The following FOXI3 variants were observed in gnomAD, a reference collection of about 807,000 sequenced individuals.
The protein encoded by FOXI3 is forkhead box protein I3.
In FOXI3, 4 loss-of-function variants were observed where a neutral mutation model predicts 15.6. The observed-to-expected ratio is 0.26, with a 90% CI of 0.13 to 0.59. The LOEUF is 0.59. FOXI3 is among the 20% of genes least tolerant of loss of function. The pLI, the probability that FOXI3 is intolerant of heterozygous loss-of-function variation, is 0.90. For synonymous variants in FOXI3, 238 were observed against 244.4 expected (o/e 0.97, Z 0.25); for missense variants, 489 against 548.2 (o/e 0.89, Z 1.08).
intron 1 of FOXI3, 68 bp from the exon 2 acceptor site, chr2:88,448,897 T>C: frequency 6.8e-7 from 1 of 1,466,484 alleles, no homozygotes; most frequent in East Asian, 2.5e-5. Flanking sequence ...GCTTCATTTC[T>C]GGGAGGAGAG....
rs1012230746 is a variant in FOXI3, at chr2:88,448,687, G to C, written c.783C>G (p.Leu261=). Residue 261 remains leucine (L), a synonymous_variant, in exon 2 of 2, where the codon CTC becomes CTG. Transcript: ENST00000428390. ...AAGTSKSEEG[L]SSGLGSGVGG... is the part of the protein sequence containing the mutation. ...CCACTCCAGACCCCAATCCTGAGGA[G>C]AGCCCTTCTTCGGACTTTGATGTCC... 10 of 1,551,760 alleles carry C rather than the reference G, an allele frequency of 6.4e-6. No homozygotes were observed. Among genetic ancestry groups the C allele is most frequent in the Non-Finnish European group, 7.8e-6 (9 of 1,147,044 alleles).
chr2:88,449,448 C>CA (rs928609977), intron 1 of FOXI3, among the ~76,000 whole-genome samples: 8 of 151,984 alleles, frequency 5.3e-5, no homozygotes, highest in South Asian at 2.1e-4. Flanking sequence ...TTCAAAATGA[C>CA]AAAAAAAATT....
chr2:88,450,192 A>G (rs989392965), intron 1 of FOXI3, among the ~76,000 whole-genome samples: 16 of 152,078 alleles, frequency 1.1e-4, no homozygotes, highest in African/African-American at 3.9e-4. Context: ...GCACTTTGGG[A>G]GGCCGAAACG....
At chr2:88,450,407 A>G (rs904421809) in intron 1 of FOXI3, among the ~76,000 whole-genome samples, 4 of 149,732 alleles carry the variant, frequency 2.7e-5, no homozygotes, top group South Asian at 4.4e-4. Flanking sequence ...CCTGGGCGAC[A>G]GGAGTGAAAT....
In FOXI3 at chr2:88,448,586, T is replaced by C. The variant is rs1226501742; in HGVS notation, c.884A>G (p.Lys295Arg). 3.9e-6 allele frequency: 6 copies of C among 1,551,554 alleles called. No individual in the cohort carries two copies. In the Admixed American group the frequency reaches 7.8e-5, roughly 20 times the overall value. ...SHSPEPPEGT[K>R]STASSPGGPM... is the part of the protein sequence containing the mutation. ...TCCTCCAGGAGATGAGGCAGTACTC[T>C]TGGTGCCCTCCGGAGGCTCTGGGGA... is the stretch of plus-strand genomic sequence containing the variant. The change falls in exon 2 of 2, where the codon AAG becomes AGG. Residue 295 changes from lysine to arginine, a missense_variant. Coordinates refer to ENST00000428390, the MANE Select transcript of FOXI3 (RefSeq NM_001135649.3).
chr2:88,451,544 T>C (rs1676044807), intron 1 of FOXI3, among the ~76,000 whole-genome samples: 1 of 152,204 alleles, frequency 6.6e-6, no homozygotes, highest in African/African-American at 2.4e-5. Flanking sequence ...AACCATCCCT[T>C]ATCTGAGAGC....
intron 1 of FOXI3, 60 bp from the exon 2 acceptor site, chr2:88,448,889 T>C: frequency 6.8e-7 from 1 of 1,479,464 alleles, no homozygotes; most frequent in Non-Finnish European, 9.0e-7. Context: ...TGTACTCAGC[T>C]TCATTTCTGG....
rs1675969363 is a variant in FOXI3, at chr2:88,448,138, T to C, written c.*69A>G. The C allele has an allele frequency of 2.1e-6, 3 of 1,406,890 alleles. No homozygotes were observed. The highest frequency in any genetic ancestry group is 2.9e-6 in the Non-Finnish European group (3 of 1,037,866). The allele number at this position is 1,406,890 out of a possible 1,614,324, so 87.2% of individuals were successfully genotyped here. On this transcript the variant is annotated 3_prime_UTR_variant, in exon 2 of 2. Transcript: ENST00000428390. The stretch of plus-strand genomic sequence containing the variant: ...CAGGTCCTACCCCAGACCTACTGAC[T>C]TGGAATCTGCATTCTAATCAGCATG...
Position 88,447,378 on chromosome 2 carries a change from C to T in FOXI3, c.*829G>A, listed in dbSNP as rs563280201. On this transcript the variant is annotated 3_prime_UTR_variant, in exon 2 of 2. Transcript: ENST00000428390. ...CAAATGACACAAAGTTGGAGGTTTC[C>T]TATAAAAATTCAGATATCTGGCTCT... is the stretch of plus-strand genomic sequence containing the variant. 1.3e-5 allele frequency: 2 copies of T among 152,290 alleles called. No homozygotes were observed. The highest frequency in any genetic ancestry group is 2.4e-5 in the African/African-American group (1 of 41,574). The allele number at this position is 152,290 out of a possible 1,614,324, so 9.4% of individuals were successfully genotyped here.
At position 88,450,924 on chromosome 2, in the gene FOXI3, T is replaced by G. The variant is rs575033080; in HGVS notation, c.640+972A>C. 3.3e-5 allele frequency among the ~76,000 whole-genome samples: 5 copies of G among 152,346 alleles called. No individual in the cohort carries two copies. The South Asian group carries it at 8.3e-4, about 25-fold the overall frequency. ...TTTGGATTATTTAGTTTGTATCGTATTTCCATTGGAGAGTGCTGGTCTACA... is the reference window on the plus strand; with the variant it reads ...TTTGGATTATTTAGTTTGTATCGTAGTTCCATTGGAGAGTGCTGGTCTACA... On this transcript the variant is annotated intron_variant, in intron 1 of 1. Coordinates refer to ENST00000428390, the MANE Select transcript of FOXI3 (RefSeq NM_001135649.3).
In FOXI3 at chr2:88,451,876, C is replaced by T. The variant is rs747008665; in HGVS notation, c.640+20G>A. 5 of 1,608,364 alleles carry T rather than the reference C, an allele frequency of 3.1e-6. No individual in the cohort carries two copies. Reference sequence around the variant, plus strand: ...GCGTCCGCCCTCCCCGGCTGGGAAGCACCTGCCAGCGGCCCTCACCTGGGT... The same window carrying T: ...GCGTCCGCCCTCCCCGGCTGGGAAGTACCTGCCAGCGGCCCTCACCTGGGT... On this transcript the variant is annotated intron_variant, in intron 1 of 1. Transcript: ENST00000428390.
rs969594857 is a variant in FOXI3 at position 88,447,959 on chromosome 2, A to G, written c.*248T>C. On this transcript the variant is annotated 3_prime_UTR_variant, in exon 2 of 2. Transcript: ENST00000428390. Reference sequence around the variant, plus strand: ...TCACAGGCTACCTATCACAGAAGACAGTGAAACGGATTTCTCTCTGGAGAG... The same window carrying G: ...TCACAGGCTACCTATCACAGAAGACGGTGAAACGGATTTCTCTCTGGAGAG... 5.5e-6 allele frequency: 3 copies of G among 546,076 alleles called. No homozygotes were observed. Among genetic ancestry groups the G allele is most frequent in the Non-Finnish European group, 9.8e-6 (3 of 305,058 alleles). The allele number at this position is 546,076 out of a possible 1,614,324, so 33.8% of individuals were successfully genotyped here. A position where few individuals can be genotyped will look rare whatever the true frequency, so the allele number is the denominator to read the frequency against.
rs1435137687 is a variant in FOXI3, at chr2:88,452,460, CGGCGGCGGT to C, written c.67_75del (p.Thr23_Ala25del). 131 of 1,059,804 alleles carry C rather than the reference CGGCGGCGGT, an allele frequency of 1.2e-4. No homozygotes were observed. The East Asian group carries it at 1.2e-3, about 10-fold the overall frequency. The allele number at this position is 1,059,804 out of a possible 1,614,324, so 65.7% of individuals were successfully genotyped here. ...CTGGCTGCCGGGGGGGCGCCCGGGG[CGGCGGCGGT>C]GGCGGCGGGCGGGGGCAGGCCGGGC... is the stretch of plus-strand genomic sequence containing the variant. On this transcript the variant is annotated inframe_deletion, in exon 1 of 2. Transcript: ENST00000428390.
Position 88,448,252 on chromosome 2 carries a change from G to A in FOXI3, c.1218C>T (p.Ser406=). 8.4e-6 allele frequency: 13 copies of A among 1,551,642 alleles called. No individual in the cohort carries two copies. The highest frequency in any genetic ancestry group is 1.1e-5 in the Non-Finnish European group (13 of 1,146,976). Residue 406 remains serine, a synonymous_variant, in exon 2 of 2, where the codon AGC becomes AGT. Transcript: ENST00000428390. The stretch of plus-strand genomic sequence containing the variant: ...GGGGGTAGATGAGGCTGTTCACCAT[G>A]CTAAAGTTGTGGAAAGGGCTGCTGA... The part of the protein sequence containing the change: ...SPFSSPFHNF[S]MVNSLIYPRE...
chr2:88,451,055 C>CT (rs1313865188), intron 1 of FOXI3, among the ~76,000 whole-genome samples: 1 of 152,128 alleles, frequency 6.6e-6, no homozygotes, highest in African/African-American at 2.4e-5. Flanking sequence ...TCTCTTTTCT[C>CT]TTTTTCCTAT....
rs1271863933 is a variant in FOXI3 at position 88,452,153 on chromosome 2, T to C, written c.383A>G (p.Glu128Gly). 7.0e-6 allele frequency: 10 copies of C among 1,419,058 alleles called. No individual in the cohort carries two copies. The Admixed American group carries it at 2.8e-4, about 40-fold the overall frequency. The allele number at this position is 1,419,058 out of a possible 1,614,324, so 87.9% of individuals were successfully genotyped here. A position where few individuals can be genotyped will look rare whatever the true frequency, so the allele number is the denominator to read the frequency against. ...ASPAAPAGPG[E>G]LGWLSMASRE... ...GCTGGCCATGGACAGCCAGCCCAGCTCCCCGGGCCCCGCGGGCGCGGCGGG... is the reference window on the plus strand; with the variant it reads ...GCTGGCCATGGACAGCCAGCCCAGCCCCCCGGGCCCCGCGGGCGCGGCGGG... Residue 128 changes from glutamate (E) to glycine (G), a missense_variant, in exon 1 of 2, where the codon GAG becomes GGG. By Grantham distance (98) the Glu-to-Gly change is moderately conservative. Around this residue, in one of 3 missense-constraint regions of FOXI3, gnomAD observed 224 missense variants for 245.7 expected, o/e 0.91. Transcript: ENST00000428390.
At chr2:88,451,814 A>C in intron 1 of FOXI3, 82 bp downstream of exon 1, 1 of 1,539,680 alleles carries the variant, frequency 6.5e-7, no homozygotes, top group Non-Finnish European at 8.8e-7. Flanking sequence ...CAGATCTTCC[A>C]GCCGCACACC....
rs1319710388 is a variant in FOXI3 at position 88,447,266 on chromosome 2, G to A, written c.*941C>T. The A allele has an allele frequency of 6.6e-6, 1 of 152,202 alleles. No individual in the cohort carries two copies. Among genetic ancestry groups the A allele is most frequent in the Non-Finnish European group, 1.5e-5 (1 of 68,056 alleles). 9.4% of individuals were successfully genotyped at this position (152,202 alleles called of 1,614,324 possible). ...AATATACCATGTACCAGACAGAGGTGATTTGTGAGCTGCCTATGCATAGCT... is the reference window on the plus strand; with the variant it reads ...AATATACCATGTACCAGACAGAGGTAATTTGTGAGCTGCCTATGCATAGCT... On this transcript the variant is annotated 3_prime_UTR_variant, in exon 2 of 2. Coordinates refer to ENST00000428390, the MANE Select transcript of FOXI3 (RefSeq NM_001135649.3).
In FOXI3 at chr2:88,451,892, T is replaced by C; in HGVS notation, c.640+4A>G. 1 of 1,612,360 alleles carries C rather than the reference T, an allele frequency of 6.2e-7. No homozygotes were observed. Among genetic ancestry groups the C allele is most frequent in the Non-Finnish European group, 8.5e-7 (1 of 1,179,256 alleles). On this transcript the variant is annotated splice_donor_region_variant and intron_variant, in intron 1 of 1. Coordinates refer to ENST00000428390, the MANE Select transcript of FOXI3 (RefSeq NM_001135649.3). ...GCTGGGAAGCACCTGCCAGCGGCCCTCACCTGGGTCGTCCTCGTCGCGGGG... is the reference window on the plus strand; with the variant it reads ...GCTGGGAAGCACCTGCCAGCGGCCCCCACCTGGGTCGTCCTCGTCGCGGGG...
Sources: gnomAD v4.1 joint callset for allele counts (sites outside exome capture counted in the v4.1 genomes callset) on GRCh38, gnomAD v4.1.1 for gene constraint, gnomAD v4.1.1 regional missense constraint, MANE v1.5 for transcripts, NCBI Gene and HGNC (gene_info 2026-07-23, HGNC 2026-07-21) for gene names.